ITPR2: variants seen among roughly 807,000 people sequenced by gnomAD.
ITPR2 encodes inositol 1,4,5-trisphosphate receptor type 2, also known as inositol 1,4,5-trisphosphate-gated calcium channel ITPR2.
ITPR2 carries 207 observed loss-of-function variants against 317.1 expected under a neutral mutation model. That is an observed-to-expected ratio of 0.65 (90% CI 0.58 to 0.73). ITPR2 has a LOEUF of 0.73. Among genes scored for constraint, ITPR2 ranks in the 30% least tolerant of loss-of-function variants. ITPR2 has a pLI of 0.00. For synonymous variants in ITPR2, 1,156 were observed against 1,149.1 expected, an observed-to-expected ratio of 1.01 and a Z score of -0.12; for missense variants, 2,613 against 3,284.0, an observed-to-expected ratio of 0.80 and a Z score of 4.99.
chr12:26,380,541 A>G (rs1375843581), intron 55 of ITPR2, among the ~76,000 whole-genome samples: 1 of 152,234 alleles, frequency 6.6e-6, no homozygotes, highest in African/African-American at 2.4e-5. Flanking sequence ...AAATGTAAAC[A>G]TTTAAAATTA....
At chr12:26,783,712 A>C (rs1950138097) in intron 2 of ITPR2, among the ~76,000 whole-genome samples, 1 of 152,354 alleles carries the variant, frequency 6.6e-6, no homozygotes, top group South Asian at 2.1e-4. Flanking sequence ...TGTTGGTATC[A>C]TATGAGGGCA....
At chr12:26,366,342 TA>T in intron 55 of ITPR2, among the ~76,000 whole-genome samples, 1 of 152,338 alleles carries the variant, frequency 6.6e-6, no homozygotes, top group South Asian at 2.1e-4. Context: ...TTCTTTCTGC[TA>T]ATTTTAGTTT....
intron 2 of ITPR2, among the ~76,000 whole-genome samples, chr12:26,760,705 G>T (rs901952314): frequency 6.6e-6 from 1 of 152,194 alleles, no homozygotes; most frequent in Non-Finnish European, 1.5e-5. Flanking sequence ...TCTGTGTTCT[G>T]TGGTAGATGA....
intron 34 of ITPR2, among the ~76,000 whole-genome samples, chr12:26,564,556 G>A (rs1010868483): frequency 6.6e-6 from 1 of 152,156 alleles, no homozygotes; most frequent in East Asian, 1.9e-4. Context: ...ATGTAATCAC[G>A]TTAAGTTGAG....
At chr12:26,511,391 G>A (rs912951807) in intron 37 of ITPR2, among the ~76,000 whole-genome samples, 2 of 152,170 alleles carry the variant, frequency 1.3e-5, no homozygotes, top group Non-Finnish European at 2.9e-5. Context: ...TTCTCCTTCA[G>A]AGTAAATTTA....
intron 54 of ITPR2, among the ~76,000 whole-genome samples, chr12:26,388,848 T>C (rs1183868729): frequency 1.3e-5 from 2 of 152,194 alleles, no homozygotes; most frequent in Admixed American, 1.3e-4. Flanking sequence ...CAGCTCAGCA[T>C]GCCCAAATAA....
Position 26,339,498 on chromosome 12 carries a change from A to T in ITPR2, c.8020-15T>A. 1 of 1,609,922 alleles carries T rather than the reference A, an allele frequency of 6.2e-7. No homozygotes were observed. Among genetic ancestry groups the T allele is most frequent in the Non-Finnish European group, 8.5e-7 (1 of 1,176,468 alleles). ...TGTTCTGTCATCTGGGGGAAAAGAG[A>T]GAGTGTGTGTTCAGCGGATTTTCTC... On this transcript the variant is annotated splice_polypyrimidine_tract_variant and intron_variant, in intron 56 of 56. Coordinates refer to ENST00000381340, the MANE Select transcript of ITPR2 (RefSeq NM_002223.4).
In ITPR2 at chr12:26,657,871, G is replaced by T. The variant is rs1565671347; in HGVS notation, c.2028C>A (p.Asp676Glu). 8.1e-6 allele frequency: 13 copies of T among 1,614,020 alleles called. No individual in the cohort carries two copies. Among genetic ancestry groups the T allele is most frequent in the South Asian group, 1.1e-5 (1 of 91,030 alleles). Reference protein sequence around the residue: ...IQTKVVSMQADNPMESSILSD... With the variant: ...IQTKVVSMQAENPMESSILSD... Reference sequence around the variant, plus strand: ...AAAGGATGGAGCTCTCCATGGGGTTGTCTGCTTGCATTGAGACCACCCTTC... The same window carrying T: ...AAAGGATGGAGCTCTCCATGGGGTTTTCTGCTTGCATTGAGACCACCCTTC... Residue 676 changes from aspartate (D) to glutamate (E), a missense_variant, in exon 18 of 57, where the codon GAC becomes GAA. Physicochemically the swap from Asp to Glu is conservative, Grantham distance 45. This residue lies in a region of ITPR2 where 817 missense variants were observed against 897.6 expected (regional missense o/e 0.91). Coordinates refer to ENST00000381340, the MANE Select transcript of ITPR2 (RefSeq NM_002223.4).
At chr12:26,595,923 T>C (rs1945831512) in intron 31 of ITPR2, among the ~76,000 whole-genome samples, 1 of 152,106 alleles carries the variant, frequency 6.6e-6, no homozygotes, top group African/African-American at 2.4e-5. Context: ...TCCCCTCTCC[T>C]TCCCTCCCCT....
At chr12:26,344,306 A>G (rs1273256096) in intron 55 of ITPR2, among the ~76,000 whole-genome samples, 3 of 152,166 alleles carry the variant, frequency 2.0e-5, no homozygotes, top group Non-Finnish European at 2.9e-5. Flanking sequence ...TTTTCAACAT[A>G]TAACAGCACA....
chr12:26,439,991 G>C (rs1941447823), intron 46 of ITPR2, among the ~76,000 whole-genome samples: 1 of 152,118 alleles, frequency 6.6e-6, no homozygotes, highest in South Asian at 2.1e-4. Flanking sequence ...GGCTTATGTA[G>C]CCTAAATTTC....
At chr12:26,823,927 TGAACAA>T (rs1950975103) in intron 1 of ITPR2, among the ~76,000 whole-genome samples, 1 of 152,182 alleles carries the variant, frequency 6.6e-6, no homozygotes, top group South Asian at 2.1e-4. Context: ...ATTACTAAAA[TGAACAA>T]GTCAGCCATG....
chr12:26,734,363 T>G (rs1949079898), intron 2 of ITPR2, among the ~76,000 whole-genome samples: 1 of 152,186 alleles, frequency 6.6e-6, no homozygotes, highest in Admixed American at 6.5e-5. Flanking sequence ...TGGTTTCAAA[T>G]TCCCAGATTC....
intron 2 of ITPR2, among the ~76,000 whole-genome samples, chr12:26,749,581 C>T (rs915986723): frequency 1.3e-5 from 2 of 152,094 alleles, no homozygotes; most frequent in East Asian, 1.9e-4. Context: ...GGATTATGTT[C>T]GCTTTAAAAA....
intron 45 of ITPR2, among the ~76,000 whole-genome samples, chr12:26,462,494 G>A (rs566162041): frequency 1.1e-3 from 172 of 152,110 alleles, no homozygotes; most frequent in Middle Eastern, 0.01. Flanking sequence ...GATTATAGGC[G>A]TGAGCCACTG....
At chr12:26,667,021 CT>C (rs1290596279) in intron 13 of ITPR2, among the ~76,000 whole-genome samples, 3 of 152,240 alleles carry the variant, frequency 2.0e-5, no homozygotes, top group Admixed American at 6.5e-5. Flanking sequence ...TAAACACATA[CT>C]TTTTTTGGTA....
Position 26,370,071 on chromosome 12 carries a change from G to A in ITPR2, c.7857+17363C>T, listed in dbSNP as rs114929928. 2.7e-3 allele frequency among the ~76,000 whole-genome samples: 409 copies of A among 152,268 alleles called. 4 individuals carry two copies. Among genetic ancestry groups the A allele is most frequent in the African/African-American group, 9.7e-3 (402 of 41,540 alleles). On this transcript the variant is annotated intron_variant, in intron 55 of 56. Transcript: ENST00000381340. ...GCCCCATGTGTCTCTTCATTTGGCT[G>A]TTGCTGATCTGTGTCCTTTATAATA...
intron 2 of ITPR2, among the ~76,000 whole-genome samples, chr12:26,750,262 C>A (rs1159860495): frequency 6.6e-6 from 1 of 152,292 alleles, no homozygotes; most frequent in East Asian, 1.9e-4. Context: ...GTTATAGACT[C>A]CAACTGTCCA....
intron 2 of ITPR2, among the ~76,000 whole-genome samples, chr12:26,781,903 G>A (rs1378005783): frequency 2.0e-5 from 3 of 150,808 alleles, no homozygotes; most frequent in Admixed American, 6.6e-5. Flanking sequence ...GATGCTTCCT[G>A]CCCTCAAAGT....
Sources: allele counts gnomAD v4.1 joint callset (sites outside exome capture counted in the v4.1 genomes callset), GRCh38; gene constraint gnomAD v4.1.1; regional missense constraint gnomAD v4.1.1; transcripts MANE v1.5; gene names NCBI Gene and HGNC (gene_info 2026-07-23, HGNC 2026-07-21).